ENTREP2: variants seen among roughly 807,000 people sequenced by gnomAD.
The protein encoded by ENTREP2 is protein ENTREP2.
chr15:29,459,943 A>T, the ENTREP2 span, among the ~76,000 whole-genome samples: 5 of 152,216 alleles, frequency 3.3e-5, no homozygotes, highest in Admixed American at 6.5e-5. Context: ...AGAGGTATAA[A>T]CACCTAAACA....
At chr15:29,343,033 G>GT in the ENTREP2 span, among the ~76,000 whole-genome samples, 8 of 148,034 alleles carry the variant, frequency 5.4e-5, no homozygotes, top group African/African-American at 2.0e-4. Flanking sequence ...GGAATGGGGG[G>GT]GGTGGTTCTT....
the ENTREP2 span, among the ~76,000 whole-genome samples, chr15:29,319,576 C>T: frequency 1.6e-4 from 25 of 152,230 alleles, no homozygotes; most frequent in African/African-American, 5.3e-4. Context: ...CAAACAAGGA[C>T]ATCCAGTTTC....
chr15:29,338,191 A>C, the ENTREP2 span, among the ~76,000 whole-genome samples: 1 of 152,006 alleles, frequency 6.6e-6, no homozygotes, highest in Admixed American at 6.6e-5. Flanking sequence ...TCCACTGATA[A>C]GGGACAGTTT....
chr15:29,575,699 G>A, the ENTREP2 span, among the ~76,000 whole-genome samples: 2 of 152,138 alleles, frequency 1.3e-5, no homozygotes, highest in Non-Finnish European at 2.9e-5. Flanking sequence ...AGTTAGTTGT[G>A]TTTCTATACA....
At chr15:29,670,884 G>A in the ENTREP2 span, among the ~76,000 whole-genome samples, 1 of 152,210 alleles carries the variant, frequency 6.6e-6, no homozygotes, top group African/African-American at 2.4e-5. Context: ...AATCTCTGCA[G>A]TGAGAATAAT....
At chr15:29,143,263 G>A in the ENTREP2 span, among the ~76,000 whole-genome samples, 1 of 152,168 alleles carries the variant, frequency 6.6e-6, no homozygotes, top group Non-Finnish European at 1.5e-5. Context: ...CACAAAACTG[G>A]GACTCTTCCT....
the ENTREP2 span, among the ~76,000 whole-genome samples, chr15:29,600,902 CTT>C: frequency 4.0e-5 from 5 of 123,578 alleles, no homozygotes; most frequent in Admixed American, 8.6e-5. Context: ...ATTTTTCTTT[CTT>C]TTTTTTTTTT....
At chr15:29,566,423 C>A in the ENTREP2 span, among the ~76,000 whole-genome samples, 1 of 151,902 alleles carries the variant, frequency 6.6e-6, no homozygotes, top group African/African-American at 2.4e-5. Context: ...CTCGGCCTCC[C>A]AAAGTGATGG....
chr15:29,464,755 G>A, the ENTREP2 span, among the ~76,000 whole-genome samples: 1 of 152,150 alleles, frequency 6.6e-6, no homozygotes, highest in East Asian at 1.9e-4. Context: ...GCCGCTCATG[G>A]CACAACCTCG....
chr15:29,386,293 A>G, the ENTREP2 span, among the ~76,000 whole-genome samples: 1 of 152,148 alleles, frequency 6.6e-6, no homozygotes, highest in African/African-American at 2.4e-5. Flanking sequence ...AGGCTTTGGG[A>G]CCTGCAAACA....
the ENTREP2 span, among the ~76,000 whole-genome samples, chr15:29,625,580 G>A: frequency 6.6e-6 from 1 of 151,904 alleles, no homozygotes; most frequent in Non-Finnish European, 1.5e-5. Context: ...ATTTTTAGTG[G>A]AGACAGGGTT....
At chr15:29,599,049 A>G in the ENTREP2 span, among the ~76,000 whole-genome samples, 1 of 152,184 alleles carries the variant, frequency 6.6e-6, no homozygotes, top group East Asian at 1.9e-4. Context: ...TCCCATCTCC[A>G]TGCAGGGAAT....
At chr15:29,303,870 C>T in the ENTREP2 span, among the ~76,000 whole-genome samples, 2 of 151,852 alleles carry the variant, frequency 1.3e-5, no homozygotes, top group Non-Finnish European at 2.9e-5. Context: ...TTATATGTAC[C>T]ACATTTTCTT....
At chr15:29,546,987 A>C in the ENTREP2 span, among the ~76,000 whole-genome samples, 6 of 152,066 alleles carry the variant, frequency 3.9e-5, no homozygotes, top group South Asian at 2.1e-4. Context: ...AGCATTCAAG[A>C]GAAAGGGATA....
At chr15:29,259,059 T>A in the ENTREP2 span, among the ~76,000 whole-genome samples, 2 of 152,188 alleles carry the variant, frequency 1.3e-5, no homozygotes, top group African/African-American at 4.8e-5. Context: ...ACTTGTAGCA[T>A]CCAGAGGGAT....
At chr15:29,221,003 G>GGA in the ENTREP2 span, among the ~76,000 whole-genome samples, 1 of 152,078 alleles carries the variant, frequency 6.6e-6, no homozygotes, top group Non-Finnish European at 1.5e-5. Flanking sequence ...TCGTGAAGAG[G>GGA]GAGAGAGAGA....
chr15:29,381,241 G>A, the ENTREP2 span, among the ~76,000 whole-genome samples: 1 of 149,324 alleles, frequency 6.7e-6, no homozygotes, highest in Non-Finnish European at 1.5e-5. Context: ...TGGATCACGA[G>A]TTCAGGAGTT....
chr15:29,234,029 C>G, the ENTREP2 span: 1 of 1,471,710 alleles, frequency 6.8e-7, no homozygotes, highest in Non-Finnish European at 9.5e-7. Context: ...ACCTCTGGGT[C>G]AAGATCTTCC....
the ENTREP2 span, among the ~76,000 whole-genome samples, chr15:29,392,867 CTTCA>C: frequency 6.6e-6 from 1 of 152,196 alleles, no homozygotes; most frequent in East Asian, 1.9e-4. Context: ...TCATTCATGA[CTTCA>C]TTCTGGTTAC....
Sources: allele counts gnomAD v4.1 joint callset (sites outside exome capture counted in the v4.1 genomes callset), GRCh38; gene constraint gnomAD v4.1.1; transcripts MANE v1.5; gene names NCBI Gene and HGNC (gene_info 2026-07-23, HGNC 2026-07-21).